Variants in PLXNB2 observed in about 807,000 individuals in gnomAD.
PLXNB2 encodes the protein plexin-B2.
Under a neutral mutation model 202.6 loss-of-function variants are expected in PLXNB2, and 85 were observed. The ratio of observed to expected loss-of-function variants is 0.42; its 90% CI spans 0.35 to 0.50. The LOEUF (loss-of-function observed/expected upper bound fraction) is 0.50, where lower values mean the gene tolerates loss of function less well. Ranked by LOEUF, PLXNB2 falls within the 20% of genes least tolerant of loss-of-function variation. The pLI, the probability that PLXNB2 is intolerant of heterozygous loss-of-function variation, is 0.02. For missense variants in PLXNB2, 2,063 were observed against 2,586.2 expected (o/e 0.80, Z 4.39); for synonymous variants, 1,239 against 1,137.6 (o/e 1.09, Z -1.79).
At chr22:50,277,036 G>A (rs1040181892) in intron 33 of PLXNB2, 130 bp from the exon 34 acceptor site, 5 of 687,816 alleles carry the variant, frequency 7.3e-6, no homozygotes, top group Non-Finnish European at 1.3e-5. Context: ...GCCGGGCGCA[G>A]TGGCTCAGGC....
chr22:50,278,623 C>A lies in PLXNB2; in HGVS notation c.4620G>T (p.Lys1540Asn), dbSNP rs772316395. ...DLTSQREGRW[K>N]RVNTLMHYNV... is the part of the protein sequence containing the mutation. The stretch of plus-strand genomic sequence containing the variant: ...TGTAGTGCATAAGGGTGTTGACGCG[C>A]TTCCACCGGCCCTCCCGCTGTGACG... Residue 1540 changes from lysine (K) to asparagine (N), a missense_variant, in exon 29 of 37, where the codon AAG becomes AAT. By Grantham distance (94) the Lys-to-Asn change is moderately conservative (BLOSUM62 0). Coordinates refer to ENST00000359337, the MANE Select transcript of PLXNB2 (RefSeq NM_012401.4). 6.2e-7 allele frequency: 1 copy of A among 1,613,060 alleles called. No individual in the cohort carries two copies. Among genetic ancestry groups the A allele is most frequent in the East Asian group, 2.2e-5 (1 of 44,868 alleles).
chr22:50,297,087 G>T lies in PLXNB2; in HGVS notation c.-73-2309C>A, dbSNP rs1382328512. Among the ~76,000 whole-genome samples, 1 of 152,178 alleles carries T rather than the reference G, an allele frequency of 6.6e-6. No individual in the cohort carries two copies. Among genetic ancestry groups the T allele is most frequent in the East Asian group, 1.9e-4 (1 of 5,198 alleles). On this transcript the variant is annotated intron_variant, in intron 1 of 36. Coordinates refer to ENST00000359337, the MANE Select transcript of PLXNB2 (RefSeq NM_012401.4). The surrounding 1 kb of genome is among the most constrained non-coding windows in gnomAD (Gnocchi z 5.3). Reference sequence around the variant, plus strand: ...GGCAAACTCAGGAGCCAAAGCACAGGGCAGCACCGGGTCTCCTGAGAAAGC... The same window carrying T: ...GGCAAACTCAGGAGCCAAAGCACAGTGCAGCACCGGGTCTCCTGAGAAAGC...
chr22:50,290,713 G>T, intron 2 of PLXNB2, 116 bp from the exon 3 acceptor site: 1 of 1,114,602 alleles, frequency 9.0e-7, no homozygotes, highest in South Asian at 1.6e-5. Context: ...GCCACTCCAC[G>T]AACTGAGGAA....
chr22:50,295,297 A>T (rs1451676073), intron 1 of PLXNB2, among the ~76,000 whole-genome samples: 4 of 140,604 alleles, frequency 2.8e-5, no homozygotes, highest in Non-Finnish European at 6.2e-5. Context: ...CTCCAGCCTG[A>T]CTTCGTCTCA....
chr22:50,287,867 C>A, intron 6 of PLXNB2, 70 bp downstream of exon 6: 1 of 1,592,626 alleles, frequency 6.3e-7, no homozygotes, highest in Non-Finnish European at 8.5e-7. Flanking sequence ...CGATGTGCCC[C>A]CCGACCCAGG....
chr22:50,289,414 G>T lies in PLXNB2; in HGVS notation c.1068+103C>A. The T allele has an allele frequency of 7.2e-7, 1 of 1,397,436 alleles. No individual in the cohort carries two copies. Among genetic ancestry groups the T allele is most frequent in the Non-Finnish European group, 9.5e-7 (1 of 1,054,380 alleles). 86.6% of individuals were successfully genotyped at this position (1,397,436 alleles called of 1,614,324 possible). A position where few individuals can be genotyped will look rare whatever the true frequency, so the allele number is the denominator to read the frequency against. On this transcript the variant is annotated intron_variant, in intron 3 of 36. Coordinates refer to ENST00000359337, the MANE Select transcript of PLXNB2 (RefSeq NM_012401.4). This position sits in a 1 kb window ranked among gnomAD's most constrained non-coding sequence, Gnocchi z 8.0. ...AAGCGCCCAGGCTGGCGAGAGCCAC[G>T]GCCACACTGCTCACGTGCACCCTCC...
At position 50,279,832 on chromosome 22, in the gene PLXNB2, G is replaced by C. The variant is rs1601683819; in HGVS notation, c.4243-56C>G. On this transcript the variant is annotated intron_variant, in intron 26 of 36. Transcript: ENST00000359337. ...TCAGGGGACTTGGGGCCTGGAAGGG[G>C]CCCCCGGAGCCCTGGCCAGAGGCAT... is the stretch of plus-strand genomic sequence containing the variant. 3.8e-6 allele frequency: 6 copies of C among 1,593,356 alleles called. No homozygotes were observed. The East Asian group carries it at 1.3e-4, about 36-fold the overall frequency.
intron 1 of PLXNB2, among the ~76,000 whole-genome samples, chr22:50,303,432 C>T (rs548143594): frequency 3.3e-4 from 51 of 152,270 alleles, no homozygotes; most frequent in Non-Finnish European, 6.2e-4. Context: ...TGTCTCTGAG[C>T]AGGTGGCATG....
intron 24 of PLXNB2, 23 bp from the exon 25 acceptor site, chr22:50,280,693 C>G (rs370059925): frequency 1.2e-6 from 2 of 1,601,716 alleles, no homozygotes; most frequent in South Asian, 2.2e-5. Flanking sequence ...GCGGTCAAAG[C>G]CTGCCCGGCG....
chr22:50,286,730 C>T (rs894657590), intron 8 of PLXNB2, among the ~76,000 whole-genome samples: 3 of 152,192 alleles, frequency 2.0e-5, no homozygotes, highest in South Asian at 2.1e-4. Flanking sequence ...GGCCCACATG[C>T]GAGGCCCTGC....
Position 50,290,113 on chromosome 22 carries a change from T to C in PLXNB2, c.472A>G (p.Ser158Gly). The C allele has an allele frequency of 6.2e-7, 1 of 1,613,014 alleles. No homozygotes were observed. The highest frequency in any genetic ancestry group is 8.5e-7 in the Non-Finnish European group (1 of 1,179,988). ...DEGVATVGLV[S>G]STGPGGDRVL... ...CGGTCACCACCAGGACCCGTGGAGCTCACCAGCCCCACTGTGGCCACGCCC... is the reference window on the plus strand; with the variant it reads ...CGGTCACCACCAGGACCCGTGGAGCCCACCAGCCCCACTGTGGCCACGCCC... Residue 158 changes from serine to glycine, a missense_variant, in exon 3 of 37, where the codon AGC becomes GGC. Physicochemically the swap from Ser to Gly is moderately conservative, Grantham distance 56 (BLOSUM62 0). This residue lies in a region of PLXNB2 where 1,303 missense variants were observed against 1,476.8 expected (regional missense o/e 0.88). Transcript: ENST00000359337.
At position 50,275,764 on chromosome 22, in the gene PLXNB2, C is replaced by A. The variant is rs1383318844; in HGVS notation, c.5457G>T (p.Gln1819His). ...LEEDPAAQKM[Q>H]LAFRLQQIAA... ...CAATCTGCTGCAGGCGGAAGGCCAG[C>A]TGCATCTTCTGGGCGGCAGGATCCT... The change falls in exon 37 of 37, where the codon CAG (glutamine) becomes CAT (histidine). Residue 1819 changes from glutamine to histidine, a missense_variant. Physicochemically the swap from Gln to His is conservative, Grantham distance 24 (BLOSUM62 0). Transcript: ENST00000359337. 6.2e-7 allele frequency: 1 copy of A among 1,612,414 alleles called. No individual in the cohort carries two copies. Among genetic ancestry groups the A allele is most frequent in the Admixed American group, 1.7e-5 (1 of 59,992 alleles).
rs772243491 is a variant in PLXNB2 at position 50,290,009 on chromosome 22, G to A, written c.576C>T (p.Asp192=). The A allele has an allele frequency of 3.7e-6, 6 of 1,613,424 alleles. No homozygotes were observed. In the Admixed American group the frequency reaches 1.0e-4, roughly 27 times the overall value. The change falls in exon 3 of 37, where the codon GAC becomes GAT. Residue 192 remains aspartate (D), a synonymous_variant. Transcript: ENST00000359337. ...TGTAGGCTTCAAAGGCCTCCCTGCT[G>A]TCAGTCCGGTCCAACAGCCGAGTGC... ...IVSTRLLDRT[D]SREAFEAYTD... is the part of the protein sequence containing the mutation.
Position 50,288,011 on chromosome 22 carries a change from G to A in PLXNB2, c.1407C>T (p.Cys469=), listed in dbSNP as rs371727246. 4.5e-6 allele frequency: 7 copies of A among 1,564,824 alleles called. No individual in the cohort carries two copies. The highest frequency in any genetic ancestry group is 1.4e-5 in the African/African-American group (1 of 73,534). The stretch of plus-strand genomic sequence containing the variant: ...ACTGGGTGCAGGTCGGGTAGCTCAG[G>A]CACTCCTGCACCGGCAGCCGGAACA... ...DKVFRLPVQE[C]LSYPTCTQCR... The change falls in exon 6 of 37, where the codon TGC becomes TGT. Residue 469 remains cysteine, a synonymous_variant. Coordinates refer to ENST00000359337, the MANE Select transcript of PLXNB2 (RefSeq NM_012401.4). The surrounding 1 kb of genome is among the most constrained non-coding windows in gnomAD (Gnocchi z 5.0).
rs540370123 is a variant in PLXNB2 at position 50,275,238 on chromosome 22, G to C, written c.*466C>G. The stretch of plus-strand genomic sequence containing the variant: ...TGGGGAGGCCGGTGAGGTCAGGAAG[G>C]CATCGTACCGCTTTTTCTCCTCCTC... On this transcript the variant is annotated 3_prime_UTR_variant, in exon 37 of 37. Transcript: ENST00000359337. 141 of 366,322 alleles carry C rather than the reference G, an allele frequency of 3.8e-4. No individual in the cohort carries two copies. Among genetic ancestry groups the C allele is most frequent in the South Asian group, 2.2e-3 (111 of 51,224 alleles). 22.7% of individuals were successfully genotyped at this position (366,322 alleles called of 1,614,324 possible).
intron 34 of PLXNB2, 54 bp downstream of exon 34, chr22:50,276,788 G>C: frequency 1.3e-6 from 2 of 1,591,848 alleles, no homozygotes; most frequent in South Asian, 2.2e-5. Flanking sequence ...GAACCTCCCC[G>C]CAGGGGGTCG....
chr22:50,286,186 C>T lies in PLXNB2; in HGVS notation c.1864G>A (p.Glu622Lys), dbSNP rs1384258254. Residue 622 changes from glutamate to lysine, a missense_variant, in exon 9 of 37, where the codon GAG (glutamate) becomes AAG (lysine). Around this residue, in one of 2 missense-constraint regions of PLXNB2, gnomAD observed 1,303 missense variants for 1,476.8 expected, o/e 0.88. Transcript: ENST00000359337. ...CAAGACACTCACGGCAGGTTCTCCT[C>T]CAGGCTCATGGCCTGGCGGCAGTCG... ...FYDCRQAMSL[E>K]ENLPCISCVS... 1.9e-6 allele frequency: 3 copies of T among 1,613,022 alleles called. No individual in the cohort carries two copies. The South Asian group carries it at 3.3e-5, about 18-fold the overall frequency.
chr22:50,286,862 G>A (rs1401913710), intron 8 of PLXNB2, among the ~76,000 whole-genome samples: 1 of 152,210 alleles, frequency 6.6e-6, no homozygotes, highest in Non-Finnish European at 1.5e-5. Context: ...TGATGAGGGA[G>A]CAGGCTGAAG....
intron 2 of PLXNB2, among the ~76,000 whole-genome samples, chr22:50,294,019 G>C (rs1329619239): frequency 2.0e-5 from 3 of 152,230 alleles, no homozygotes; most frequent in African/African-American, 7.2e-5. Context: ...CAAGGCCTCA[G>C]GTGACCTGCC....
Sources: allele counts gnomAD v4.1 joint callset (sites outside exome capture counted in the v4.1 genomes callset), GRCh38; gene constraint gnomAD v4.1.1; regional missense constraint gnomAD v4.1.1; non-coding constraint Gnocchi (gnomAD v3.1); transcripts MANE v1.5; gene names NCBI Gene and HGNC (gene_info 2026-07-23, HGNC 2026-07-21).